Variants in IFT172 observed in about 807,000 individuals in gnomAD.
The protein encoded by IFT172 is intraflagellar transport protein 172 homolog.
A neutral mutation model predicts 248.9 loss-of-function variants in IFT172; 164 were observed. The observed-to-expected ratio is 0.66, with a 90% CI of 0.58 to 0.75. The LOEUF (loss-of-function observed/expected upper bound fraction) is 0.75, where lower values mean the gene tolerates loss of function less well. Among genes scored for constraint, IFT172 ranks in the 30% least tolerant of loss-of-function variants. IFT172 has a pLI of 0.00. For missense variants in IFT172, 1,950 were observed against 2,192.4 expected, an observed-to-expected ratio of 0.89 and a Z score of 2.21; for synonymous variants, 729 against 791.6, an observed-to-expected ratio of 0.92 and a Z score of 1.33.
chr2:27,475,137 T>A (rs1356464937), intron 14 of IFT172, among the ~76,000 whole-genome samples: 1 of 152,138 alleles, frequency 6.6e-6, no homozygotes, highest in Non-Finnish European at 1.5e-5. Context: ...TAATATGAGA[T>A]CTAATTTTAT....
intron 29 of IFT172, 74 bp from the exon 30 acceptor site, chr2:27,456,727 AAGGATCC>A (rs1661831403): frequency 6.4e-7 from 1 of 1,557,426 alleles, no homozygotes; most frequent in Non-Finnish European, 8.7e-7. Flanking sequence ...CGGCTTTGAC[AAGGATCC>A]AGTAACTGTT....
intron 25 of IFT172, 88 bp downstream of exon 25, chr2:27,459,290 T>C (rs1666436268): frequency 1.3e-6 from 2 of 1,505,946 alleles, no homozygotes; most frequent in East Asian, 4.5e-5. Context: ...AAGGATCTGG[T>C]GAACTTGCCT....
intron 15 of IFT172, chr2:27,472,008 AGCCTGGGT>A (rs1667606127): frequency 3.5e-6 from 2 of 568,584 alleles, no homozygotes; most frequent in Non-Finnish European, 6.2e-6. Flanking sequence ...ACTGCACTCC[AGCCTGGGT>A]GACAGAGTGA....
chr2:27,447,371 T>C (rs1665232604), intron 42 of IFT172, 144 bp downstream of exon 42: 1 of 1,264,886 alleles, frequency 7.9e-7, no homozygotes, highest in Non-Finnish European at 1.1e-6. Flanking sequence ...GCTAAAGATT[T>C]GTTTAGACAG....
At position 27,458,816 on chromosome 2, in the gene IFT172, A is replaced by C. The variant is rs1196018893; in HGVS notation, c.2840T>G (p.Met947Arg). The C allele has an allele frequency of 6.2e-7, 1 of 1,614,150 alleles. No homozygotes were observed. The highest frequency in any genetic ancestry group is 1.7e-5 in the Admixed American group (1 of 60,028). ...KGDRTKDAID[M>R]YTQAGRWEQA... ...TTCCCAACGACCAGCCTGGGTGTAC[A>C]TGTCTATGGCATCTTTTGTCCGATC... Residue 947 changes from methionine to arginine, a missense_variant, in exon 26 of 48, where the codon ATG (methionine) becomes AGG (arginine). Physicochemically the swap from Met to Arg is moderately conservative, Grantham distance 91. Around this residue, in one of 3 missense-constraint regions of IFT172, gnomAD observed 1,166 missense variants for 1,254.1 expected, o/e 0.93. Coordinates refer to ENST00000260570, the MANE Select transcript of IFT172 (RefSeq NM_015662.3).
intron 25 of IFT172, 144 bp from the exon 26 acceptor site, chr2:27,459,012 T>A: frequency 7.7e-6 from 6 of 782,106 alleles, no homozygotes; most frequent in African/African-American, 1.7e-5. Context: ...TGAGTATGGG[T>A]GTCTCATACA....
At chr2:27,453,603 A>G (rs780326033) in intron 34 of IFT172, 27 bp downstream of exon 34, 2 of 1,606,688 alleles carry the variant, frequency 1.2e-6, no homozygotes, top group South Asian at 1.1e-5. Flanking sequence ...AGCCCTGCCA[A>G]TGCTGCCTGG....
chr2:27,445,047 CT>C lies in IFT172; in HGVS notation c.5126del (p.Lys1709ArgfsTer23). The C allele has an allele frequency of 6.2e-7, 1 of 1,614,000 alleles. No homozygotes were observed. On this transcript the variant is annotated frameshift_variant, in exon 47 of 48. Transcript: ENST00000260570. LOFTEE classifies it high-confidence loss of function. The surrounding 1 kb of genome is among the most constrained non-coding windows in gnomAD (Gnocchi z 4.4). ...EFKRPGKAAN[K>X]DNWNKFLMAI... ...CCATAAGGAATTTATTCCAGTTGTC[CT>C]TGTTAGCAGCCTTCCCTGGCCGCTT...
intron 21 of IFT172, 56 bp downstream of exon 21, chr2:27,461,703 T>A (rs770824074): frequency 1.6e-4 from 262 of 1,609,814 alleles, no homozygotes; most frequent in Non-Finnish European, 2.1e-4. Context: ...AAAAGGAGGT[T>A]TTTGAAATTG....
chr2:27,453,660 T>C lies in IFT172; in HGVS notation c.3791A>G (p.Tyr1264Cys). ...PSQLEALQEE[Y>C]EREATKKGAR... Reference sequence around the variant, plus strand: ...CCCCTTCTTAGTAGCTTCCCGCTCATATTCTTCCTGCAGAGCCTCCAGCTG... The same window carrying C: ...CCCCTTCTTAGTAGCTTCCCGCTCACATTCTTCCTGCAGAGCCTCCAGCTG... Residue 1264 changes from tyrosine (Y) to cysteine (C), a missense_variant, in exon 34 of 48, where the codon TAT becomes TGT. Tyr to Cys is a radical substitution (Grantham distance 194). Coordinates refer to ENST00000260570, the MANE Select transcript of IFT172 (RefSeq NM_015662.3). 6.2e-7 allele frequency: 1 copy of C among 1,612,502 alleles called. No individual in the cohort carries two copies. Among genetic ancestry groups the C allele is most frequent in the Non-Finnish European group, 8.5e-7 (1 of 1,179,448 alleles).
Position 27,457,911 on chromosome 2 carries a change from T to A in IFT172, c.3041A>T (p.Asp1014Val), listed in dbSNP as rs200961120. Residue 1014 changes from aspartate to valine, a missense_variant, in exon 28 of 48, where the codon GAT (aspartate) becomes GTT (valine). Around this residue, in one of 3 missense-constraint regions of IFT172, gnomAD observed 164 missense variants for 239.3 expected, o/e 0.69. Transcript: ENST00000260570. Reference sequence around the variant, plus strand: ...CTTCCCTACCAGGCGGATCATGTCATCATACAACTTGTGCTTTTTGTACAT... The same window carrying A: ...CTTCCCTACCAGGCGGATCATGTCAACATACAACTTGTGCTTTTTGTACAT... ...ITMYKKHKLY[D>V]DMIRLVGKHH... 210 of 1,614,076 alleles carry A rather than the reference T, an allele frequency of 1.3e-4. No homozygotes were observed. Among genetic ancestry groups the A allele is most frequent in the Non-Finnish European group, 3.4e-5 (40 of 1,180,040 alleles).
In IFT172 at chr2:27,445,895, A is replaced by G. The variant is rs1349143058; in HGVS notation, c.4815+34T>C. 6.2e-7 allele frequency: 1 copy of G among 1,613,866 alleles called. No individual in the cohort carries two copies. The highest frequency in any genetic ancestry group is 2.2e-5 in the East Asian group (1 of 44,882). On this transcript the variant is annotated intron_variant, in intron 44 of 47. Coordinates refer to ENST00000260570, the MANE Select transcript of IFT172 (RefSeq NM_015662.3). This position sits in a 1 kb window ranked among gnomAD's most constrained non-coding sequence, Gnocchi z 4.4. ...TAGGCACAGCTCGCGACTGGCAAAA[A>G]CCTCCACCCTCGGGGCACAGCTTCC...
At chr2:27,489,154 G>A (rs1450102944) in intron 1 of IFT172, among the ~76,000 whole-genome samples, 1 of 152,214 alleles carries the variant, frequency 6.6e-6, no homozygotes, top group Non-Finnish European at 1.5e-5. Context: ...TAACTCCAAA[G>A]CCCACCCTTT....
At position 27,444,486 on chromosome 2, in the gene IFT172, T is replaced by A. The variant is rs1387363654; in HGVS notation, c.5196A>T (p.Lys1732Asn). 6.2e-7 allele frequency: 1 copy of A among 1,613,688 alleles called. No individual in the cohort carries two copies. The highest frequency in any genetic ancestry group is 1.7e-5 in the Admixed American group (1 of 59,994). The change falls in exon 48 of 48, where the codon AAA (lysine) becomes AAT (asparagine). Residue 1732 changes from lysine to asparagine, a missense_variant. Physicochemically the swap from Lys to Asn is moderately conservative, Grantham distance 94. This residue lies in a region of IFT172 where 620 missense variants were observed against 699.0 expected (regional missense o/e 0.89). Coordinates refer to ENST00000260570, the MANE Select transcript of IFT172 (RefSeq NM_015662.3). ...GCCCTCCACACCACTGACTGATGAA[T>A]TTCAGCACGTCCTGGCACACTGGGC... Reference protein sequence around the residue: ...SHSPVCQDVLKFISQWCGGLP... With the variant: ...SHSPVCQDVLNFISQWCGGLP...
intron 35 of IFT172, among the ~76,000 whole-genome samples, chr2:27,451,698 G>A (rs1007596838): frequency 6.6e-6 from 1 of 152,086 alleles, no homozygotes; most frequent in Non-Finnish European, 1.5e-5. Flanking sequence ...CCCAGGAGGC[G>A]GAGCTTGCAG....
At chr2:27,461,238 G>C (rs1232148073) in intron 22 of IFT172, 31 bp downstream of exon 22, 1 of 1,613,008 alleles carries the variant, frequency 6.2e-7, no homozygotes, top group African/African-American at 1.3e-5. Flanking sequence ...GAGCTCTGGA[G>C]ATAAGGGCTA....
intron 22 of IFT172, 70 bp from the exon 23 acceptor site, chr2:27,461,163 A>G (rs1168166043): frequency 1.9e-6 from 3 of 1,613,426 alleles, no homozygotes; most frequent in South Asian, 1.1e-5. Context: ...TCCGAAAACA[A>G]GGGAACACCA....
In IFT172 at chr2:27,461,807, G is replaced by A; in HGVS notation, c.2145C>T (p.Tyr715=). ...QNAVEEAMGM[Y]QELHRWDECI... The stretch of plus-strand genomic sequence containing the variant: ...ACTCATCCCAACGGTGTAGCTCCTG[G>A]TACATGCCCATGGCCTCCTCCACAG... The change falls in exon 21 of 48, where the codon TAC becomes TAT. Residue 715 remains tyrosine, a synonymous_variant. Coordinates refer to ENST00000260570, the MANE Select transcript of IFT172 (RefSeq NM_015662.3). The A allele has an allele frequency of 1.2e-6, 2 of 1,614,170 alleles. No individual in the cohort carries two copies. Among genetic ancestry groups the A allele is most frequent in the South Asian group, 1.1e-5 (1 of 91,082 alleles).
At position 27,483,773 on chromosome 2, in the gene IFT172, T is replaced by C. The variant is rs2272417; in HGVS notation, c.402+99A>G. 0.4 allele frequency: 567,611 copies of C among 1,413,886 alleles called. 118,074 individuals are homozygous for C. The highest frequency in any genetic ancestry group is 0.52 in the Admixed American group (30,542 of 58,604). 87.6% of individuals were successfully genotyped at this position (1,413,886 alleles called of 1,614,324 possible). ...ACTGGTCCCTATGCATTCTCCCCAGTACGCAACTTGATCCTAAGAAAGAGG... is the reference window on the plus strand; with the variant it reads ...ACTGGTCCCTATGCATTCTCCCCAGCACGCAACTTGATCCTAAGAAAGAGG... On this transcript the variant is annotated intron_variant, in intron 5 of 47. Transcript: ENST00000260570.
Sources: gnomAD v4.1 joint callset for allele counts (sites outside exome capture counted in the v4.1 genomes callset) on GRCh38, gnomAD v4.1.1 for gene constraint, gnomAD v4.1.1 regional missense constraint, Gnocchi (gnomAD v3.1) non-coding constraint, MANE v1.5 for transcripts, NCBI Gene and HGNC (gene_info 2026-07-23, HGNC 2026-07-21) for gene names.